Variants in GPHN observed in about 807,000 individuals in gnomAD.
GPHN encodes the protein gephyrin.
GPHN carries 17 observed loss-of-function variants against 95.5 expected under a neutral mutation model. That is an observed-to-expected ratio of 0.18 (90% CI 0.12 to 0.27). GPHN has a LOEUF of 0.27. Among genes scored for constraint, GPHN ranks in the 10% least tolerant of loss-of-function variants. The pLI is 1.00. For missense variants in GPHN, 660 were observed against 978.1 expected (o/e 0.67, Z 4.34); for synonymous variants, 320 against 322.5 (o/e 0.99, Z 0.08).
At chr14:67,049,211 T>TTTGTTGTTG (rs139585227) in intron 10 of GPHN, among the ~76,000 whole-genome samples, 2,082 of 150,932 alleles carry the variant, frequency 0.014, 23 homozygotes, top group Middle Eastern at 0.02. Context: ...GCTGATTAAG[T>TTTGTTGTTG]TTGTTGTTGT....
Position 67,180,978 on chromosome 14 carries a change from T to C in GPHN, c.*41T>C, listed in dbSNP as rs1473668689. 1 of 1,604,902 alleles carries C rather than the reference T, an allele frequency of 6.2e-7. No homozygotes were observed. The highest frequency in any genetic ancestry group is 1.7e-5 in the Admixed American group (1 of 59,914). On this transcript the variant is annotated 3_prime_UTR_variant, in exon 23 of 23. Coordinates refer to ENST00000478722, the MANE Select transcript of GPHN (RefSeq NM_020806.5). ...GAAAGCTTTGATGCATGTCCACATA[T>C]CATTGACTGTATCCTGTAATATGCA...
the GPHN span, chr14:67,579,360 C>A: frequency 7.3e-7 from 1 of 1,374,132 alleles, no homozygotes; most frequent in South Asian, 1.6e-5. Flanking sequence ...ACGTCACCAT[C>A]CAGAGAATAC....
the GPHN span, among the ~76,000 whole-genome samples, chr14:67,545,481 G>A: frequency 2.0e-5 from 3 of 151,590 alleles, no homozygotes; most frequent in South Asian, 6.2e-4. Flanking sequence ...AGTAGAGAGA[G>A]GAAATGAAAA....
chr14:67,273,522 T>G, the GPHN span, among the ~76,000 whole-genome samples: 1 of 152,218 alleles, frequency 6.6e-6, no homozygotes, highest in African/African-American at 2.4e-5. Context: ...TAGTCTATCA[T>G]TGATGGACAT....
At chr14:66,557,236 G>GATA (rs879445473) in intron 1 of GPHN, among the ~76,000 whole-genome samples, 2,185 of 130,904 alleles carry the variant, frequency 0.017, 44 homozygotes, top group African/African-American at 0.042. Flanking sequence ...TACATAGGTA[G>GATA]GTAGATAGAT....
chr14:66,991,708 T>G (rs2071432872), intron 9 of GPHN, among the ~76,000 whole-genome samples: 1 of 150,976 alleles, frequency 6.6e-6, no homozygotes, highest in Non-Finnish European at 1.5e-5. Context: ...TCCTGTCTAC[T>G]AAAAATACAA....
At chr14:67,195,499 T>C in the GPHN span, among the ~76,000 whole-genome samples, 1 of 152,152 alleles carries the variant, frequency 6.6e-6, no homozygotes, top group Non-Finnish European at 1.5e-5. Context: ...GTGTGAACCG[T>C]AGACACACCC....
intron 2 of GPHN, among the ~76,000 whole-genome samples, chr14:66,763,538 A>G (rs975490621): frequency 2.6e-5 from 4 of 151,172 alleles, no homozygotes; most frequent in Admixed American, 6.6e-5. Flanking sequence ...ATGGTTTCCA[A>G]TTTCATCCAT....
chr14:67,592,818 C>T, the GPHN span: 2 of 773,706 alleles, frequency 2.6e-6, no homozygotes, highest in Non-Finnish European at 4.3e-6. Context: ...CAGAGTCTCT[C>T]TCTGTTGCCC....
chr14:66,922,624 A>T (rs771045451), intron 6 of GPHN, 42 bp from the exon 7 acceptor site: 2 of 1,530,776 alleles, frequency 1.3e-6, no homozygotes, highest in Non-Finnish European at 1.8e-6. Flanking sequence ...ATAATTACAA[A>T]AGTGCTTCAT....
the GPHN span, among the ~76,000 whole-genome samples, chr14:67,698,272 T>C: frequency 1.4e-4 from 21 of 152,256 alleles, no homozygotes; most frequent in Non-Finnish European, 2.8e-4. Context: ...ATTGGAGCCA[T>C]AATGGAATCT....
chr14:67,562,835 G>C, the GPHN span: 3 of 1,613,716 alleles, frequency 1.9e-6, no homozygotes, highest in South Asian at 3.3e-5. Context: ...AGCTGAGCTG[G>C]AGGAAGTGGA....
chr14:66,929,403 G>A (rs185352717), intron 8 of GPHN, among the ~76,000 whole-genome samples: 7 of 152,208 alleles, frequency 4.6e-5, no homozygotes, highest in Admixed American at 3.3e-4. Context: ...AAAGTGGGGT[G>A]TTGAAGTCTC....
chr14:67,028,843 T>G (rs1415349041), intron 10 of GPHN, among the ~76,000 whole-genome samples: 1 of 152,228 alleles, frequency 6.6e-6, no homozygotes, highest in East Asian at 1.9e-4. Context: ...TTGTTTCTTT[T>G]GCTGTGCAGA....
intron 4 of GPHN, among the ~76,000 whole-genome samples, chr14:66,834,971 G>A (rs2061735212): frequency 7.0e-6 from 1 of 142,260 alleles, no homozygotes; most frequent in Admixed American, 7.1e-5. Context: ...ACTTCTTCCT[G>A]GTTTAGTCTT....
At chr14:67,692,567 C>A in the GPHN span, 1 of 1,602,444 alleles carries the variant, frequency 6.2e-7, no homozygotes, top group Admixed American at 1.7e-5. Flanking sequence ...TTTTCCACAT[C>A]CCGGCAAGCT....
the GPHN span, among the ~76,000 whole-genome samples, chr14:67,468,228 G>A: frequency 6.6e-6 from 1 of 152,184 alleles, no homozygotes; most frequent in Admixed American, 6.5e-5. Flanking sequence ...CCCGCCTCGG[G>A]CTCCCAGAGT....
intron 8 of GPHN, among the ~76,000 whole-genome samples, chr14:66,946,769 A>T (rs2067783765): frequency 6.6e-6 from 1 of 152,214 alleles, no homozygotes; most frequent in South Asian, 2.1e-4. Flanking sequence ...TTTCATAGAT[A>T]AAAAACTAGT....
chr14:66,665,590 T>G (rs2065905052), intron 1 of GPHN, among the ~76,000 whole-genome samples: 1 of 151,858 alleles, frequency 6.6e-6, no homozygotes, highest in Admixed American at 6.6e-5. Context: ...CATTAAAGAG[T>G]CAGGAAACAA....
Sources: allele counts gnomAD v4.1 joint callset (sites outside exome capture counted in the v4.1 genomes callset), GRCh38; gene constraint gnomAD v4.1.1; transcripts MANE v1.5; gene names NCBI Gene and HGNC (gene_info 2026-07-23, HGNC 2026-07-21).